Variants in VCAN observed in about 807,000 individuals in gnomAD.
VCAN encodes versican.
Under a neutral mutation model 245.5 loss-of-function variants are expected in VCAN, and 44 were observed. The ratio of observed to expected loss-of-function variants is 0.18; its 90% CI spans 0.14 to 0.23. The LOEUF (loss-of-function observed/expected upper bound fraction) is 0.23, where lower values mean the gene tolerates loss of function less well. Ranked by LOEUF, VCAN falls within the 10% of genes least tolerant of loss-of-function variation. The probability of loss-of-function intolerance (pLI) is 1.00; values close to 1 mark genes in which losing one functional copy is unlikely to be tolerated. For synonymous variants in VCAN, 1,413 were observed against 1,437.0 expected (o/e 0.98, Z 0.38); for missense variants, 3,793 against 4,057.9 (o/e 0.93, Z 1.77).
Position 83,521,637 on chromosome 5 carries a change from G to A in VCAN, c.3331G>A (p.Glu1111Lys). ...GTCTTATCCACCAGGTGCTGTAACTGAGCACAAAGTGAAAACAGATGAAGT... is the reference window on the plus strand; with the variant it reads ...GTCTTATCCACCAGGTGCTGTAACTAAGCACAAAGTGAAAACAGATGAAGT... ...SVSYPPGAVTEHKVKTDEVVT... is the reference protein window; with the variant it reads ...SVSYPPGAVTKHKVKTDEVVT... The change falls in exon 7 of 15, where the codon GAG (glutamate) becomes AAG (lysine). Residue 1111 changes from glutamate to lysine, a missense_variant. By Grantham distance (56) the Glu-to-Lys change is moderately conservative. Coordinates refer to ENST00000265077, the MANE Select transcript of VCAN (RefSeq NM_004385.5). 1 of 1,613,842 alleles carries A rather than the reference G, an allele frequency of 6.2e-7. No homozygotes were observed. Among genetic ancestry groups the A allele is most frequent in the Non-Finnish European group, 8.5e-7 (1 of 1,180,014 alleles).
rs16900564 is a variant in VCAN, at chr5:83,553,500, C to G, written c.9630C>G (p.His3210Gln). 6.2e-7 allele frequency: 1 copy of G among 1,614,010 alleles called. No individual in the cohort carries two copies. Among genetic ancestry groups the G allele is most frequent in the Non-Finnish European group, 8.5e-7 (1 of 1,179,966 alleles). ...QGAHLTSILS[H>Q]EEQMFVNRVG... ...CCCATCTCACAAGCATCCTGTCTCA[C>G]GAAGAACAAATGTTTGTTAATCGTA... The change falls in exon 11 of 15, where the codon CAC becomes CAG. Residue 3210 changes from histidine (H) to glutamine (Q), a missense_variant. Coordinates refer to ENST00000265077, the MANE Select transcript of VCAN (RefSeq NM_004385.5).
At chr5:83,516,075 A>G (rs1188878391) in intron 6 of VCAN, among the ~76,000 whole-genome samples, 1 of 152,192 alleles carries the variant, frequency 6.6e-6, no homozygotes, top group Non-Finnish European at 1.5e-5. Context: ...TACTAAAAAT[A>G]CAAAAAATTA....
chr5:83,569,420 A>G (rs944127741), intron 12 of VCAN, among the ~76,000 whole-genome samples: 7 of 152,234 alleles, frequency 4.6e-5, no homozygotes, highest in African/African-American at 1.7e-4. Flanking sequence ...AAAACTATTT[A>G]TTAAACAACA....
intron 1 of VCAN, among the ~76,000 whole-genome samples, chr5:83,476,405 G>A (rs1039487323): frequency 6.6e-6 from 1 of 152,172 alleles, no homozygotes; most frequent in African/African-American, 2.4e-5. Context: ...ACTGTAGTAA[G>A]GTATTTTTTC....
intron 5 of VCAN, among the ~76,000 whole-genome samples, chr5:83,505,528 G>A (rs190567976): frequency 5.3e-5 from 8 of 152,268 alleles, no homozygotes; most frequent in East Asian, 3.9e-4. Flanking sequence ...TTATGGTCTC[G>A]GGCAGCTCAG....
At chr5:83,498,139 T>A (rs1232911817) in intron 5 of VCAN, among the ~76,000 whole-genome samples, 1 of 152,166 alleles carries the variant, frequency 6.6e-6, no homozygotes, top group African/African-American at 2.4e-5. Context: ...TCTGTTTTTT[T>A]ACACAAGCTT....
At chr5:83,506,139 C>CTGAAGACATTTA (rs1463420282) in intron 5 of VCAN, among the ~76,000 whole-genome samples, 11 of 152,196 alleles carry the variant, frequency 7.2e-5, no homozygotes, top group Non-Finnish European at 2.9e-5. Context: ...ACATTTTATC[C>CTGAAGACATTTA]ACGGTCTTGG....
rs149621097 is a variant in VCAN at position 83,579,429 on chromosome 5, A to G, written c.9881-551A>G. Among the ~76,000 whole-genome samples the G allele has an allele frequency of 3.1e-3, 478 of 152,056 alleles. 3 individuals carry two copies. The highest frequency in any genetic ancestry group is 0.011 in the African/African-American group (457 of 41,486). On this transcript the variant is annotated intron_variant, in intron 13 of 14. Coordinates refer to ENST00000265077, the MANE Select transcript of VCAN (RefSeq NM_004385.5). ...CAGGTGCCCACCACCATGCCTGGCT[A>G]ATTTTTTGTATTTTTAGTAGAAACA...
intron 13 of VCAN, among the ~76,000 whole-genome samples, chr5:83,573,203 CT>C (rs1166502694): frequency 1.3e-5 from 2 of 151,998 alleles, no homozygotes; most frequent in African/African-American, 2.4e-5. Flanking sequence ...TGACCGACTT[CT>C]TTTTTTATTT....
intron 12 of VCAN, among the ~76,000 whole-genome samples, chr5:83,560,553 A>G (rs1747828649): frequency 1.3e-5 from 2 of 152,100 alleles, no homozygotes; most frequent in African/African-American, 4.8e-5. Flanking sequence ...ACGTTATGGA[A>G]TCATTTATAT....
At chr5:83,486,006 T>C (rs945920368) in intron 2 of VCAN, among the ~76,000 whole-genome samples, 3 of 151,992 alleles carry the variant, frequency 2.0e-5, no homozygotes, top group Non-Finnish European at 4.4e-5. Flanking sequence ...AGTAGCCCAG[T>C]AGCTGGAACT....
In VCAN at chr5:83,541,160, G is replaced by A. The variant is rs753482971; in HGVS notation, c.8157G>A (p.Met2719Ile). Residue 2719 changes from methionine to isoleucine, a missense_variant, in exon 8 of 15, where the codon ATG (methionine) becomes ATA (isoleucine). By Grantham distance (10) the Met-to-Ile change is conservative (BLOSUM62 1). Around this residue, in one of 5 missense-constraint regions of VCAN, gnomAD observed 3,182 missense variants for 3,250.3 expected, o/e 0.98. Transcript: ENST00000265077. ...CTGAAGCAAAAGCCCTGGATGACAT[G>A]TTTGAATCAAGCACTTTGTCTGATG... ...IKAEAKALDDMFESSTLSDGQ... is the reference protein window; with the variant it reads ...IKAEAKALDDIFESSTLSDGQ... The A allele has an allele frequency of 6.2e-7, 1 of 1,614,094 alleles. No individual in the cohort carries two copies. The highest frequency in any genetic ancestry group is 1.1e-5 in the South Asian group (1 of 91,088).
intron 7 of VCAN, among the ~76,000 whole-genome samples, chr5:83,534,372 C>A (rs1436635130): frequency 2.0e-5 from 3 of 151,942 alleles, no homozygotes; most frequent in African/African-American, 7.2e-5. Context: ...TGGAGAAACC[C>A]AGCTGAATGG....
intron 12 of VCAN, among the ~76,000 whole-genome samples, chr5:83,564,052 A>G (rs1664391400): frequency 6.6e-6 from 1 of 152,328 alleles, no homozygotes; most frequent in South Asian, 2.1e-4. Context: ...TATGGATAGA[A>G]TGGCTTGCAA....
intron 5 of VCAN, among the ~76,000 whole-genome samples, chr5:83,502,041 T>C (rs1350580218): frequency 1.3e-5 from 2 of 152,200 alleles, no homozygotes; most frequent in Admixed American, 6.5e-5. Context: ...TATTTTACTA[T>C]TTTTGATGCA....
chr5:83,512,492 T>G, intron 6 of VCAN, 96 bp downstream of exon 6: 1 of 1,420,390 alleles, frequency 7.0e-7, no homozygotes, highest in South Asian at 1.3e-5. Flanking sequence ...GGATTCCATG[T>G]CTTGCAGTGT....
chr5:83,567,442 AGGT>A (rs1748126697), intron 12 of VCAN, among the ~76,000 whole-genome samples: 1 of 151,676 alleles, frequency 6.6e-6, no homozygotes, highest in Admixed American at 6.6e-5. Flanking sequence ...CTGGGATTAC[AGGT>A]GGCTGCCACT....
intron 12 of VCAN, among the ~76,000 whole-genome samples, chr5:83,558,412 A>C (rs1286145938): frequency 6.6e-6 from 1 of 152,020 alleles, no homozygotes; most frequent in Non-Finnish European, 1.5e-5. Context: ...CTCCTCTTCC[A>C]CACCCTCTCT....
chr5:83,557,000 C>T (rs984674096), intron 12 of VCAN, among the ~76,000 whole-genome samples: 1 of 151,964 alleles, frequency 6.6e-6, no homozygotes, highest in Non-Finnish European at 1.5e-5. Context: ...TTTTGTGAGC[C>T]CCCATCATGT....
Sources: gnomAD v4.1 joint callset for allele counts (sites outside exome capture counted in the v4.1 genomes callset) on GRCh38, gnomAD v4.1.1 for gene constraint, gnomAD v4.1.1 regional missense constraint, MANE v1.5 for transcripts, NCBI Gene and HGNC (gene_info 2026-07-23, HGNC 2026-07-21) for gene names.